The following STRBP variants were observed in gnomAD, a reference collection of about 807,000 sequenced individuals.
The protein encoded by STRBP is spermatid perinuclear RNA-binding protein.
STRBP carries 13 observed loss-of-function variants against 80.1 expected under a neutral mutation model. The observed-to-expected ratio is 0.16, with a 90% confidence interval of 0.11 to 0.26. The LOEUF is 0.26. STRBP is among the 10% of genes least tolerant of loss of function. STRBP has a pLI of 1.00. For synonymous variants in STRBP, 284 were observed against 291.2 expected, an observed-to-expected ratio of 0.98 and a Z score of 0.25; for missense variants, 485 against 815.2, an observed-to-expected ratio of 0.59 and a Z score of 4.93.
intron 2 of STRBP, among the ~76,000 whole-genome samples, chr9:123,225,976 A>G (rs1488904128): frequency 6.6e-6 from 1 of 152,246 alleles, no homozygotes; most frequent in Non-Finnish European, 1.5e-5. Context: ...CAGAAATGAA[A>G]ATGTTTATAG....
chr9:123,249,195 A>G (rs908646243), intron 1 of STRBP, among the ~76,000 whole-genome samples: 15 of 152,148 alleles, frequency 9.9e-5, no homozygotes, highest in African/African-American at 3.6e-4. Context: ...GGTCACAATG[A>G]GACCCCATCT....
At chr9:123,201,975 T>C (rs1412575140) in intron 2 of STRBP, among the ~76,000 whole-genome samples, 1 of 152,190 alleles carries the variant, frequency 6.6e-6, no homozygotes, top group Non-Finnish European at 1.5e-5. Context: ...GTTGAATTGA[T>C]TGTTTTATTA....
At chr9:123,204,817 G>A (rs1324968463) in intron 2 of STRBP, among the ~76,000 whole-genome samples, 13 of 151,440 alleles carry the variant, frequency 8.6e-5, no homozygotes, top group African/African-American at 2.2e-4. Context: ...CCAGCTACTC[G>A]GGAGGCTGAG....
intron 2 of STRBP, among the ~76,000 whole-genome samples, chr9:123,213,273 T>G (rs772696318): frequency 6.6e-6 from 1 of 152,204 alleles, no homozygotes; most frequent in African/African-American, 2.4e-5. Flanking sequence ...TTTCTCAGTA[T>G]GCAACAAATT....
At chr9:123,161,362 G>A (rs2037515185) in intron 6 of STRBP, among the ~76,000 whole-genome samples, 1 of 152,170 alleles carries the variant, frequency 6.6e-6, no homozygotes. Context: ...ATCTTATTAA[G>A]CATCTATAAC....
At chr9:123,114,018 A>G (rs113173903) in intron 3 of STRBP, 6 of 167,058 alleles carry the variant, frequency 3.6e-5, no homozygotes, top group African/African-American at 1.2e-4. Flanking sequence ...CGCTTCCCAT[A>G]TATTTTCACA....
At chr9:123,144,027 G>A (rs4836914) in intron 13 of STRBP, among the ~76,000 whole-genome samples, 11,694 of 151,814 alleles carry the variant, frequency 0.077, 1,589 homozygotes, top group East Asian at 0.6. Flanking sequence ...GCGAAACCCC[G>A]TCTCTACTAA....
chr9:123,135,827 A>G, intron 16 of STRBP: 1 of 456,014 alleles, frequency 2.2e-6, no homozygotes, highest in Non-Finnish European at 3.9e-6. Context: ...ATATAAATAT[A>G]CATGTACATA....
Position 123,158,410 on chromosome 9 carries a change from A to G in STRBP, c.855T>C (p.Asp285=). The G allele has an allele frequency of 1.2e-6, 2 of 1,613,592 alleles. No individual in the cohort carries two copies. The highest frequency in any genetic ancestry group is 1.7e-6 in the Non-Finnish European group (2 of 1,179,612). Residue 285 remains aspartate (D), a synonymous_variant, in exon 10 of 19, where the codon GAT becomes GAC. Coordinates refer to ENST00000348403, the MANE Select transcript of STRBP (RefSeq NM_018387.5). The part of the protein sequence containing the change: ...ILLPGGPGLH[D]PCERDPTDAL... ...CATCTGTTGGGTCTCGCTCACAAGGATCATGAAGACCAGGACCCCCTTTGG... is the reference window on the plus strand; with the variant it reads ...CATCTGTTGGGTCTCGCTCACAAGGGTCATGAAGACCAGGACCCCCTTTGG...
intron 1 of STRBP, among the ~76,000 whole-genome samples, chr9:123,253,060 T>C (rs2040949548): frequency 6.6e-6 from 1 of 152,218 alleles, no homozygotes; most frequent in Non-Finnish European, 1.5e-5. Flanking sequence ...TATGCTTCAC[T>C]GGAATTGAAT....
chr9:123,192,558 C>G (rs1419703824), intron 2 of STRBP, among the ~76,000 whole-genome samples: 1 of 152,244 alleles, frequency 6.6e-6, no homozygotes, highest in South Asian at 2.1e-4. Flanking sequence ...AAGTTCATGC[C>G]TAGCCTAGCC....
intron 11 of STRBP, among the ~76,000 whole-genome samples, chr9:123,151,659 C>A (rs1478588973): frequency 6.6e-6 from 1 of 151,944 alleles, no homozygotes; most frequent in African/African-American, 2.4e-5. Flanking sequence ...ATACAAATGT[C>A]CAAAGACTGT....
chr9:123,145,793 T>C (rs559388126), intron 13 of STRBP, among the ~76,000 whole-genome samples: 1 of 152,360 alleles, frequency 6.6e-6, no homozygotes, highest in Non-Finnish European at 1.5e-5. Flanking sequence ...TGCCTCATTT[T>C]AAATTCATAC....
intron 2 of STRBP, among the ~76,000 whole-genome samples, chr9:123,232,905 G>A (rs541056888): frequency 3.3e-5 from 5 of 152,164 alleles, no homozygotes; most frequent in East Asian, 1.9e-4. Flanking sequence ...AAAACACTAC[G>A]TTTTTAGACA....
intron 13 of STRBP, among the ~76,000 whole-genome samples, chr9:123,141,371 G>A (rs986684121): frequency 2.0e-5 from 3 of 152,122 alleles, no homozygotes; most frequent in Non-Finnish European, 4.4e-5. Flanking sequence ...AACATCTTAA[G>A]TTCTAAAAGT....
rs1419698628 is a variant in STRBP at position 123,234,269 on chromosome 9, T to C, written c.-165+2561A>G. 5.3e-5 allele frequency among the ~76,000 whole-genome samples: 8 copies of C among 151,612 alleles called. No individual in the cohort carries two copies. The East Asian group carries it at 9.6e-4, about 18-fold the overall frequency. On this transcript the variant is annotated intron_variant, in intron 2 of 18. Coordinates refer to ENST00000348403, the MANE Select transcript of STRBP (RefSeq NM_018387.5). ...TTCATGTCTCCTTTAAAACTAGTTTTGGAAAACATTAAAATTAGATAGGCT... is the reference window on the plus strand; with the variant it reads ...TTCATGTCTCCTTTAAAACTAGTTTCGGAAAACATTAAAATTAGATAGGCT...
At chr9:123,267,520 C>A (rs1453052690) in intron 1 of STRBP, among the ~76,000 whole-genome samples, 1 of 151,844 alleles carries the variant, frequency 6.6e-6, no homozygotes, top group East Asian at 1.9e-4. Flanking sequence ...CCTGCAGGCT[C>A]CCCTATACAC....
At chr9:123,260,950 T>C (rs1341110389) in intron 1 of STRBP, among the ~76,000 whole-genome samples, 2 of 152,240 alleles carry the variant, frequency 1.3e-5, no homozygotes, top group Admixed American at 6.5e-5. Flanking sequence ...AAAGAAAATA[T>C]GCTTTATAGC....
At chr9:123,177,057 G>C (rs2038249439) in intron 4 of STRBP, among the ~76,000 whole-genome samples, 1 of 152,188 alleles carries the variant, frequency 6.6e-6, no homozygotes, top group Non-Finnish European at 1.5e-5. Flanking sequence ...GTCCTTCAGA[G>C]TGGTTAACAC....
Sources: gnomAD v4.1 joint callset for allele counts (sites outside exome capture counted in the v4.1 genomes callset) on GRCh38, gnomAD v4.1.1 for gene constraint, MANE v1.5 for transcripts, NCBI Gene and HGNC (gene_info 2026-07-23, HGNC 2026-07-21) for gene names.